TLL1: variants seen among roughly 807,000 people sequenced by gnomAD.
TLL1 encodes the protein tolloid like 1.
In TLL1, 49 loss-of-function variants were observed where a neutral mutation model predicts 128.2. The observed-to-expected ratio is 0.38, with a 90% CI of 0.30 to 0.48. The LOEUF (loss-of-function observed/expected upper bound fraction) is 0.48, where lower values mean the gene tolerates loss of function less well. Ranked by LOEUF, TLL1 falls within the 20% of genes least tolerant of loss-of-function variation. The probability of loss-of-function intolerance (pLI) is 0.96; values close to 1 mark genes in which losing one functional copy is unlikely to be tolerated. For synonymous variants in TLL1, 454 were observed against 418.8 expected (o/e 1.08, Z -1.03); for missense variants, 1,123 against 1,242.0 (o/e 0.90, Z 1.44).
At chr4:165,999,820 A>T (rs1737068297) in intron 5 of TLL1, among the ~76,000 whole-genome samples, 1 of 152,172 alleles carries the variant, frequency 6.6e-6, no homozygotes, top group Non-Finnish European at 1.5e-5. Context: ...GAGTTATTTT[A>T]ATGAAAAGGT....
chr4:166,054,601 T>G (rs2111110163), intron 12 of TLL1, among the ~76,000 whole-genome samples: 1 of 126,866 alleles, frequency 7.9e-6, no homozygotes, highest in South Asian at 2.7e-4. Context: ...CAGTGTGATG[T>G]TCCCCTTCCT....
In TLL1 at chr4:166,074,994, T is replaced by G; in HGVS notation, c.2305T>G (p.Cys769Gly). ...TGTGCTACATGACAATAAACATGAT[T>G]GCAAGGAAGGTATGGAACGGAATAC... The part of the protein sequence containing the change: ...GFVLHDNKHD[C>G]KEAECEQKIH... Residue 769 changes from cysteine (C) to glycine (G), a missense_variant, in exon 17 of 21, where the codon TGC (cysteine) becomes GGC (glycine). By Grantham distance (159) the Cys-to-Gly change is radical. Coordinates refer to ENST00000061240, the MANE Select transcript of TLL1 (RefSeq NM_012464.5). 1 of 1,613,514 alleles carries G rather than the reference T, an allele frequency of 6.2e-7. No homozygotes were observed. The highest frequency in any genetic ancestry group is 8.5e-7 in the Non-Finnish European group (1 of 1,179,524).
intron 1 of TLL1, among the ~76,000 whole-genome samples, chr4:165,924,476 T>C (rs1733180994): frequency 6.6e-6 from 1 of 152,282 alleles, no homozygotes; most frequent in Middle Eastern, 3.4e-3. Context: ...TCTAACTCTA[T>C]TCAAGGCTAT....
At chr4:166,001,051 A>G (rs1449103899) in intron 5 of TLL1, among the ~76,000 whole-genome samples, 1 of 152,162 alleles carries the variant, frequency 6.6e-6, no homozygotes, top group African/African-American at 2.4e-5. Context: ...GGAGAGGGAG[A>G]TAAGGATTTA....
chr4:165,926,572 T>G (rs1245180906), intron 1 of TLL1, among the ~76,000 whole-genome samples: 2 of 152,172 alleles, frequency 1.3e-5, no homozygotes, highest in Non-Finnish European at 1.5e-5. Flanking sequence ...CTGTCTTAAG[T>G]ACATTTTGGG....
intron 5 of TLL1, among the ~76,000 whole-genome samples, chr4:166,000,697 T>A (rs986414534): frequency 6.6e-6 from 1 of 152,190 alleles, no homozygotes; most frequent in Admixed American, 6.5e-5. Flanking sequence ...TTAGTTTAAA[T>A]ATCTCCAAAA....
chr4:165,981,153 T>G (rs1463989206), intron 1 of TLL1, among the ~76,000 whole-genome samples: 2 of 152,026 alleles, frequency 1.3e-5, no homozygotes, highest in Non-Finnish European at 2.9e-5. Context: ...CTATAGAGTT[T>G]TTTTCCCCCA....
Position 166,055,215 on chromosome 4 carries a change from A to C in TLL1, c.1664A>C (p.Lys555Thr). 1.9e-6 allele frequency: 3 copies of C among 1,613,726 alleles called. No homozygotes were observed. The highest frequency in any genetic ancestry group is 2.5e-6 in the Non-Finnish European group (3 of 1,179,808). Reference protein sequence around the residue: ...IRSTSNTLWMKFVSDGTVNKA... With the variant: ...IRSTSNTLWMTFVSDGTVNKA... ...TCTACCTCCAATACTTTGTGGATGA[A>C]GTTTGTTTCTGACGGAACTGTGAAC... The change falls in exon 13 of 21, where the codon AAG becomes ACG. Residue 555 changes from lysine (K) to threonine (T), a missense_variant. Physicochemically the swap from Lys to Thr is moderately conservative, Grantham distance 78. Coordinates refer to ENST00000061240, the MANE Select transcript of TLL1 (RefSeq NM_012464.5).
At position 166,099,442 on chromosome 4, in the gene TLL1, A is replaced by G; in HGVS notation, c.2822A>G (p.Glu941Gly). 1 of 1,613,538 alleles carries G rather than the reference A, an allele frequency of 6.2e-7. No individual in the cohort carries two copies. The highest frequency in any genetic ancestry group is 1.3e-5 in the African/African-American group (1 of 74,982). Residue 941 changes from glutamate (E) to glycine (G), a missense_variant, in exon 20 of 21, where the codon GAA (glutamate) becomes GGA (glycine). This residue lies in a region of TLL1 where 634 missense variants were observed against 672.4 expected (regional missense o/e 0.94). Coordinates refer to ENST00000061240, the MANE Select transcript of TLL1 (RefSeq NM_012464.5). ...LSFQTFEVEEEADCGYDYVEL... is the reference protein window; with the variant it reads ...LSFQTFEVEEGADCGYDYVEL... ...TTCCAGACATTTGAAGTGGAGGAAG[A>G]AGCAGACTGTGGCTATGACTATGTG...
At chr4:166,037,442 G>A (rs912709976) in intron 9 of TLL1, among the ~76,000 whole-genome samples, 1 of 152,048 alleles carries the variant, frequency 6.6e-6, no homozygotes, top group Non-Finnish European at 1.5e-5. Context: ...TTACAATGAG[G>A]TGAAGAAAAA....
intron 5 of TLL1, among the ~76,000 whole-genome samples, chr4:165,998,539 A>G (rs1348492830): frequency 1.3e-5 from 2 of 152,086 alleles, no homozygotes; most frequent in Non-Finnish European, 2.9e-5. Context: ...CATGCCTGTA[A>G]TCCCAGCACT....
intron 1 of TLL1, among the ~76,000 whole-genome samples, chr4:165,874,761 C>A (rs573817923): frequency 6.6e-6 from 1 of 152,370 alleles, no homozygotes; most frequent in African/African-American, 2.4e-5. Context: ...GCAGTCGGAC[C>A]GGCACTGCCT....
rs546619239 is a variant in TLL1 at position 165,943,797 on chromosome 4, T to C, written c.170-45584T>C. 2.6e-5 allele frequency among the ~76,000 whole-genome samples: 4 copies of C among 152,248 alleles called. No homozygotes were observed. The South Asian group carries it at 8.3e-4, about 32-fold the overall frequency. ...TCTGACTTCTTGCTCTATATTTTATTGGGAATTGATCATTTATAGTTAGGA... is the reference window on the plus strand; with the variant it reads ...TCTGACTTCTTGCTCTATATTTTATCGGGAATTGATCATTTATAGTTAGGA... On this transcript the variant is annotated intron_variant, in intron 1 of 20. Coordinates refer to ENST00000061240, the MANE Select transcript of TLL1 (RefSeq NM_012464.5).
intron 2 of TLL1, among the ~76,000 whole-genome samples, chr4:165,992,512 T>A (rs1158908913): frequency 2.0e-5 from 3 of 152,018 alleles, no homozygotes; most frequent in Admixed American, 1.3e-4. Context: ...GATGTCAAGG[T>A]CACAGTAAAG....
At chr4:166,060,354 G>A (rs1740249701) in intron 15 of TLL1, among the ~76,000 whole-genome samples, 166 bp downstream of exon 15, 1 of 152,042 alleles carries the variant, frequency 6.6e-6, no homozygotes, top group Non-Finnish European at 1.5e-5. Flanking sequence ...GTTGGCATTG[G>A]ATGATACTTT....
At chr4:165,885,398 G>T (rs1731123848) in intron 1 of TLL1, among the ~76,000 whole-genome samples, 1 of 151,942 alleles carries the variant, frequency 6.6e-6, no homozygotes, top group Non-Finnish European at 1.5e-5. Flanking sequence ...GAAGGGGAAG[G>T]TGTTCACACC....
At chr4:165,932,567 G>A (rs895353008) in intron 1 of TLL1, among the ~76,000 whole-genome samples, 2 of 152,140 alleles carry the variant, frequency 1.3e-5, no homozygotes, top group Admixed American at 6.5e-5. Context: ...CAGTCATGGG[G>A]CTAGAAATGA....
rs192054394 is a variant in TLL1 at position 165,948,175 on chromosome 4, C to T, written c.170-41206C>T. 1.9e-3 allele frequency among the ~76,000 whole-genome samples: 284 copies of T among 152,202 alleles called. 1 individual carries two copies. The highest frequency in any genetic ancestry group is 6.3e-3 in the African/African-American group (263 of 41,560). On this transcript the variant is annotated intron_variant, in intron 1 of 20. Coordinates refer to ENST00000061240, the MANE Select transcript of TLL1 (RefSeq NM_012464.5). ...GTACCCGTCAGCTTGTTCTACCATC[C>T]GTGTTCCCCCTGTTGGAACTGGTGT...
intron 8 of TLL1, among the ~76,000 whole-genome samples, chr4:166,017,170 A>G (rs1419298636): frequency 2.6e-5 from 4 of 152,234 alleles, no homozygotes; most frequent in Admixed American, 2.0e-4. Flanking sequence ...GCTCCCACTT[A>G]TAAGTGAGAA....
Sources: allele counts gnomAD v4.1 joint callset (sites outside exome capture counted in the v4.1 genomes callset), GRCh38; gene constraint gnomAD v4.1.1; regional missense constraint gnomAD v4.1.1; transcripts MANE v1.5; gene names NCBI Gene and HGNC (gene_info 2026-07-23, HGNC 2026-07-21).